The following ZNF69 variants were observed in gnomAD, a reference collection of about 807,000 sequenced individuals.
The protein encoded by ZNF69 is ZNF3.
A neutral mutation model predicts 50.9 loss-of-function variants in ZNF69; 47 were observed. The observed-to-expected ratio is 0.92, with a 90% CI of 0.73 to 1.18. ZNF69 has a LOEUF of 1.18. Ranked by LOEUF, ZNF69 falls within the 50% of genes most tolerant of loss-of-function variation. ZNF69 has a pLI of 0.00. For synonymous variants in ZNF69, 216 were observed against 223.1 expected (o/e 0.97, Z 0.29); for missense variants, 717 against 675.1 (o/e 1.06, Z -0.69).
chr19:11,937,731 G>T, the ZNF69 span, among the ~76,000 whole-genome samples: 1 of 151,782 alleles, frequency 6.6e-6, no homozygotes, highest in Non-Finnish European at 1.5e-5. Flanking sequence ...CTCATGATCT[G>T]CCTGCCTCAG....
chr19:11,926,863 C>T, the ZNF69 span, among the ~76,000 whole-genome samples: 1 of 152,088 alleles, frequency 6.6e-6, no homozygotes, highest in South Asian at 2.1e-4. Context: ...TTTATTCAAG[C>T]GGAAGGATAG....
the ZNF69 span, chr19:11,947,028 G>C: frequency 1.6e-6 from 2 of 1,276,118 alleles, no homozygotes; most frequent in African/African-American, 3.1e-5. Context: ...ATGGAAGAAA[G>C]TAAGTATAGA....
the ZNF69 span, among the ~76,000 whole-genome samples, chr19:11,959,326 A>C: frequency 1.3e-5 from 2 of 152,260 alleles, no homozygotes; most frequent in Non-Finnish European, 2.9e-5. Flanking sequence ...AATAATAACA[A>C]TATGAATACT....
the ZNF69 span, among the ~76,000 whole-genome samples, chr19:11,958,623 C>T: frequency 2.0e-5 from 3 of 152,244 alleles, no homozygotes; most frequent in African/African-American, 7.2e-5. Context: ...AGTAGAAGTC[C>T]CAGAATTAAT....
At position 11,898,866 on chromosome 19, in the gene ZNF69, A is replaced by G. The variant is rs187894951; in HGVS notation, c.64-4707A>G. On this transcript the variant is annotated intron_variant, in intron 1 of 3. Coordinates refer to ENST00000429654, the MANE Select transcript of ZNF69 (RefSeq NM_001364730.1). ...ATAATTGTTTTAAACCAAAAAAACC[A>G]TATTGACTTTGTGTAGTGTATCCTA... 5.0e-3 allele frequency among the ~76,000 whole-genome samples: 756 copies of G among 152,358 alleles called. 11 individuals carry two copies. The highest frequency in any genetic ancestry group is 7.5e-3 in the Admixed American group (115 of 15,306).
At chr19:11,964,320 C>T in the ZNF69 span, among the ~76,000 whole-genome samples, 1 of 152,124 alleles carries the variant, frequency 6.6e-6, no homozygotes, top group Non-Finnish European at 1.5e-5. Flanking sequence ...GGGCTGTCTT[C>T]TGGGCAGGGT....
the ZNF69 span, among the ~76,000 whole-genome samples, chr19:11,923,640 C>G: frequency 2.0e-5 from 3 of 152,228 alleles, no homozygotes; most frequent in Non-Finnish European, 4.4e-5. Flanking sequence ...CCACCTCCAC[C>G]GCGATCTGGA....
the ZNF69 span, among the ~76,000 whole-genome samples, chr19:11,969,671 T>C: frequency 6.6e-6 from 1 of 152,196 alleles, no homozygotes; most frequent in East Asian, 1.9e-4. Context: ...ATATATGGGA[T>C]GCAGCGTCTC....
At chr19:11,937,136 T>C in the ZNF69 span, among the ~76,000 whole-genome samples, 1 of 152,228 alleles carries the variant, frequency 6.6e-6, no homozygotes, top group African/African-American at 2.4e-5. Flanking sequence ...TTGTGTTGTG[T>C]GTGAAACCTT....
At chr19:11,944,491 C>G in the ZNF69 span, among the ~76,000 whole-genome samples, 1 of 152,250 alleles carries the variant, frequency 6.6e-6, no homozygotes, top group East Asian at 1.9e-4. Flanking sequence ...TCTTCTGTAC[C>G]AAGTCAGCCA....
the ZNF69 span, chr19:11,947,378 G>A: frequency 6.2e-7 from 1 of 1,608,916 alleles, no homozygotes; most frequent in South Asian, 1.1e-5. Context: ...ATGCTGTTGA[G>A]TGATTTTGAA....
the ZNF69 span, chr19:11,949,436 A>G: frequency 2.5e-6 from 4 of 1,613,182 alleles, no homozygotes; most frequent in South Asian, 3.3e-5. Context: ...CATACTGGAG[A>G]GAAACCCTAT....
intron 1 of ZNF69, among the ~76,000 whole-genome samples, chr19:11,899,237 T>C (rs1013122935): frequency 1.3e-5 from 2 of 152,236 alleles, no homozygotes; most frequent in African/African-American, 4.8e-5. Flanking sequence ...GCTTCTTTCA[T>C]GTAAAAATAT....
chr19:11,913,424 T>C, exon 5 of ZNF69: 1 of 563,358 alleles, frequency 1.8e-6, no homozygotes, highest in South Asian at 2.3e-5. Context: ...AATCTCACTC[T>C]GTCACCCAGG....
chr19:11,958,110 C>T, the ZNF69 span, among the ~76,000 whole-genome samples: 1 of 152,152 alleles, frequency 6.6e-6, no homozygotes, highest in Non-Finnish European at 1.5e-5. Flanking sequence ...GAATCACAGC[C>T]ATTTTCAGGA....
the ZNF69 span, chr19:11,978,638 T>C: frequency 2.5e-6 from 4 of 1,614,074 alleles, no homozygotes; most frequent in Non-Finnish European, 3.4e-6. Context: ...AATCCTTTAG[T>C]TATTCTGCTA....
the ZNF69 span, chr19:11,965,025 G>A: frequency 3.1e-6 from 2 of 644,702 alleles, no homozygotes; most frequent in Non-Finnish European, 5.5e-6. Flanking sequence ...TCCAGGCACA[G>A]AGTGGGTCGC....
chr19:11,896,207 G>A (rs971479608), intron 1 of ZNF69, among the ~76,000 whole-genome samples: 3 of 115,232 alleles, frequency 2.6e-5, no homozygotes, highest in Non-Finnish European at 5.0e-5. Context: ...CAACAAGGGC[G>A]AAACTCCATT....
Position 11,905,664 on chromosome 19 carries a change from A to C in ZNF69, c.1267A>C (p.Lys423Gln), listed in dbSNP as rs751530306. 6.2e-7 allele frequency: 1 copy of C among 1,613,812 alleles called. No individual in the cohort carries two copies. ...ACCCTATGAGTGTAAGCAATGTGGGAAGGCCTTCAGATCTTCCTCACACCT... is the reference window on the plus strand; with the variant it reads ...ACCCTATGAGTGTAAGCAATGTGGGCAGGCCTTCAGATCTTCCTCACACCT... ...EKPYECKQCGKAFRSSSHLQL... is the reference protein window; with the variant it reads ...EKPYECKQCGQAFRSSSHLQL... Residue 423 changes from lysine (K) to glutamine (Q), a missense_variant, in exon 4 of 4, where the codon AAG (lysine) becomes CAG (glutamine). Lys to Gln is a moderately conservative substitution (Grantham distance 53). Transcript: ENST00000429654.
Sources: allele counts gnomAD v4.1 joint callset (sites outside exome capture counted in the v4.1 genomes callset), GRCh38; gene constraint gnomAD v4.1.1; transcripts MANE v1.5; gene names NCBI Gene and HGNC (gene_info 2026-07-23, HGNC 2026-07-21).